Variants in VWA8 observed in about 807,000 individuals in gnomAD.
The protein encoded by VWA8 is von Willebrand factor A domain-containing protein 8.
Under a neutral mutation model 241.5 loss-of-function variants are expected in VWA8, and 221 were observed. The ratio of observed to expected loss-of-function variants is 0.91; its 90% CI spans 0.82 to 1.02. The LOEUF (loss-of-function observed/expected upper bound fraction) is 1.02, where lower values mean the gene tolerates loss of function less well. Among genes scored for constraint, VWA8 ranks in the 50% least tolerant of loss-of-function variants. The pLI is 0.00. For synonymous variants in VWA8, 852 were observed against 827.1 expected (o/e 1.03, Z -0.52); for missense variants, 2,322 against 2,328.7 (o/e 1.00, Z 0.06).
chr13:41,883,233 T>C (rs1478279461), intron 9 of VWA8, among the ~76,000 whole-genome samples, 154 bp downstream of exon 9: 3 of 151,620 alleles, frequency 2.0e-5, no homozygotes, highest in South Asian at 2.1e-4. Flanking sequence ...GATACCTCCA[T>C]GCCTGGTAAA....
At chr13:41,661,080 G>A (rs914707926) in intron 37 of VWA8, among the ~76,000 whole-genome samples, 1 of 152,058 alleles carries the variant, frequency 6.6e-6, no homozygotes, top group Admixed American at 6.6e-5. Flanking sequence ...TGGCCAGGAT[G>A]GTCTCAATCT....
chr13:41,697,842 G>A (rs1331540596), intron 29 of VWA8, among the ~76,000 whole-genome samples: 1 of 151,962 alleles, frequency 6.6e-6, no homozygotes, highest in Non-Finnish European at 1.5e-5. Flanking sequence ...CCTTCACTTT[G>A]CCCCTACTCC....
At chr13:41,931,730 G>A (rs1481216226) in intron 2 of VWA8, among the ~76,000 whole-genome samples, 2 of 151,752 alleles carry the variant, frequency 1.3e-5, no homozygotes, top group Non-Finnish European at 2.9e-5. Flanking sequence ...CATGGGCAAA[G>A]AAGAAATTAA....
chr13:41,893,862 C>T (rs943576172), intron 4 of VWA8, among the ~76,000 whole-genome samples: 1 of 152,032 alleles, frequency 6.6e-6, no homozygotes, highest in Non-Finnish European at 1.5e-5. Flanking sequence ...CCAGCCTGGG[C>T]GACAGAGCAA....
intron 37 of VWA8, among the ~76,000 whole-genome samples, chr13:41,661,128 T>C (rs772043911): frequency 1.4e-4 from 21 of 152,176 alleles, no homozygotes; most frequent in Non-Finnish European, 2.5e-4. Flanking sequence ...CTTCCCAAAG[T>C]GCTGGGATTA....
intron 43 of VWA8, among the ~76,000 whole-genome samples, chr13:41,574,174 TAAAAA>T (rs59813167): frequency 3.6e-5 from 5 of 137,244 alleles, no homozygotes; most frequent in African/African-American, 1.3e-4. Context: ...AAGTTTTCTG[TAAAAA>T]AAAAAAAAAA....
intron 36 of VWA8, among the ~76,000 whole-genome samples, chr13:41,674,729 CA>C (rs1214451434): frequency 1.3e-5 from 2 of 152,152 alleles, no homozygotes; most frequent in Non-Finnish European, 2.9e-5. Flanking sequence ...AGGAGGTGAA[CA>C]GTAATAAGTC....
In VWA8 at chr13:41,960,971, G is replaced by A. The variant is rs1291093506; in HGVS notation, c.45C>T (p.Gly15=). 1.4e-6 allele frequency: 2 copies of A among 1,433,108 alleles called. No individual in the cohort carries two copies. The allele number at this position is 1,433,108 out of a possible 1,614,324, so 88.8% of individuals were successfully genotyped here. The change falls in exon 1 of 45, where the codon GGC becomes GGT. Residue 15 remains glycine (G), a synonymous_variant. Coordinates refer to ENST00000379310, the MANE Select transcript of VWA8 (RefSeq NM_015058.2). ...GCCGCATGCGCCGCGAGGCCGGGCC[G>A]CCGTGGCCTCCGGGTGCCCCGAGGA... The part of the protein sequence containing the change: ...LLLLGAPGGH[G]GPASRRMRLL...
At chr13:41,718,189 A>C (rs1277023318) in intron 26 of VWA8, among the ~76,000 whole-genome samples, 3 of 152,048 alleles carry the variant, frequency 2.0e-5, no homozygotes. Context: ...TACTCTAATT[A>C]TATAAATTTG....
chr13:41,771,080 C>A (rs1344449171), intron 20 of VWA8, among the ~76,000 whole-genome samples: 2 of 152,088 alleles, frequency 1.3e-5, no homozygotes, highest in African/African-American at 4.8e-5. Context: ...ATATGTAGAT[C>A]AAATTTTTAT....
intron 9 of VWA8, among the ~76,000 whole-genome samples, chr13:41,869,688 C>T (rs2138055787): frequency 6.8e-6 from 1 of 146,146 alleles, no homozygotes; most frequent in East Asian, 2.0e-4. Flanking sequence ...CTTGATGTGG[C>T]CCAATTATCA....
chr13:41,865,983 T>C lies in VWA8; in HGVS notation c.1266A>G (p.Ile422Met), dbSNP rs759768480. The C allele has an allele frequency of 1.2e-6, 2 of 1,614,224 alleles. No homozygotes were observed. The highest frequency in any genetic ancestry group is 2.2e-5 in the East Asian group (1 of 44,880). Reference sequence around the variant, plus strand: ...GTAGCTGCTTATGGCTCAAAGTCTGTATGAAACGGTCTGACGCACAAGGTT... The same window carrying C: ...GTAGCTGCTTATGGCTCAAAGTCTGCATGAAACGGTCTGACGCACAAGGTT... ...LSQPCASDRF[I>M]QTLSHKQLQA... The change falls in exon 11 of 45, where the codon ATA (isoleucine) becomes ATG (methionine). Residue 422 changes from isoleucine (I) to methionine (M), a missense_variant. By Grantham distance (10) the Ile-to-Met change is conservative (BLOSUM62 1). Coordinates refer to ENST00000379310, the MANE Select transcript of VWA8 (RefSeq NM_015058.2).
chr13:41,835,787 A>G (rs966462481), intron 12 of VWA8, among the ~76,000 whole-genome samples: 4 of 152,204 alleles, frequency 2.6e-5, no homozygotes, highest in Non-Finnish European at 5.9e-5. Flanking sequence ...AACACACAGA[A>G]TTTTTTAAAG....
intron 43 of VWA8, among the ~76,000 whole-genome samples, chr13:41,571,296 G>GTCTCCCTCTCCCTCCTCCC (rs1566370775): frequency 2.1e-4 from 29 of 137,760 alleles, no homozygotes; most frequent in South Asian, 7.2e-4. Flanking sequence ...TCCCTCTCCC[G>GTCTCCCTCTCCCTCCTCCC]TCTCCCTCTC....
chr13:41,798,520 T>C (rs951340566), intron 17 of VWA8, among the ~76,000 whole-genome samples: 1 of 152,248 alleles, frequency 6.6e-6, no homozygotes, highest in Non-Finnish European at 1.5e-5. Context: ...AGTTGTCGGC[T>C]TGATATTTTT....
chr13:41,920,060 C>G (rs1208130424), intron 2 of VWA8, among the ~76,000 whole-genome samples: 2 of 152,210 alleles, frequency 1.3e-5, no homozygotes, highest in Admixed American at 6.5e-5. Context: ...TCCCTGTCCC[C>G]TGGGCCGTAT....
At chr13:41,811,449 C>T (rs564024179) in intron 16 of VWA8, 109 bp from the exon 17 acceptor site, 1 of 674,654 alleles carries the variant, frequency 1.5e-6, no homozygotes, top group Admixed American at 2.9e-5. Context: ...TAAGGCCAAA[C>T]TTAAAGTATG....
At chr13:41,947,039 A>G (rs1417915108) in intron 2 of VWA8, among the ~76,000 whole-genome samples, 1 of 152,262 alleles carries the variant, frequency 6.6e-6, no homozygotes, top group Non-Finnish European at 1.5e-5. Flanking sequence ...CTTAGCCAGA[A>G]TCTCCCTTAA....
intron 42 of VWA8, among the ~76,000 whole-genome samples, chr13:41,580,307 C>T (rs946260950): frequency 2.6e-5 from 4 of 152,156 alleles, no homozygotes; most frequent in African/African-American, 7.2e-5. Context: ...AAAGTATGTA[C>T]GACCTCCTTT....
Sources: gnomAD v4.1 joint callset for allele counts (sites outside exome capture counted in the v4.1 genomes callset) on GRCh38, gnomAD v4.1.1 for gene constraint, MANE v1.5 for transcripts, NCBI Gene and HGNC (gene_info 2026-07-23, HGNC 2026-07-21) for gene names.